The following ELL variants were observed in gnomAD, a reference collection of about 807,000 sequenced individuals.
The protein encoded by ELL is RNA polymerase II elongation factor ELL.
Under a neutral mutation model 64.0 loss-of-function variants are expected in ELL, and 18 were observed. The ratio of observed to expected loss-of-function variants is 0.28; its 90% confidence interval spans 0.19 to 0.42. ELL has a LOEUF of 0.42. ELL is among the 10% of genes least tolerant of loss of function. The pLI is 1.00. For missense variants in ELL, 797 were observed against 870.4 expected (o/e 0.92, Z 1.06); for synonymous variants, 399 against 376.2 (o/e 1.06, Z -0.70).
At chr19:18,503,833 G>A (rs1271517819) in intron 1 of ELL, among the ~76,000 whole-genome samples, 1 of 152,126 alleles carries the variant, frequency 6.6e-6, no homozygotes, top group Non-Finnish European at 1.5e-5. Flanking sequence ...GAGGGCCCAC[G>A]GGACTGTCAC....
At chr19:18,504,259 C>T (rs1366996274) in intron 1 of ELL, among the ~76,000 whole-genome samples, 3 of 152,318 alleles carry the variant, frequency 2.0e-5, no homozygotes, top group East Asian at 3.9e-4. Context: ...CAGCCATCTA[C>T]CTAAGGGTGT....
chr19:18,521,524 G>A (rs1402440198), intron 1 of ELL, among the ~76,000 whole-genome samples: 2 of 152,186 alleles, frequency 1.3e-5, no homozygotes, highest in East Asian at 1.9e-4. Context: ...AAAGCCCCCA[G>A]CTTCCCCCTA....
Position 18,469,862 on chromosome 19 carries a change from C to T in ELL, c.183+2973G>A, listed in dbSNP as rs538770323. On this transcript the variant is annotated intron_variant, in intron 2 of 11. Transcript: ENST00000262809. ...AAATTGGGGCCTGCTGCACTCCCCACCTGACCCCAGACAGGAGCTTGGGCG... is the reference window on the plus strand; with the variant it reads ...AAATTGGGGCCTGCTGCACTCCCCATCTGACCCCAGACAGGAGCTTGGGCG... Among the ~76,000 whole-genome samples, 381 of 152,360 alleles carry T rather than the reference C, an allele frequency of 2.5e-3. 1 individual carries two copies. The highest frequency in any genetic ancestry group is 0.014 in the Middle Eastern group (4 of 294).
chr19:18,450,806 C>A lies in ELL; in HGVS notation c.1136G>T (p.Ser379Ile). Residue 379 changes from serine to isoleucine, a missense_variant, in exon 8 of 12, where the codon AGC becomes ATC. Coordinates refer to ENST00000262809, the MANE Select transcript of ELL (RefSeq NM_006532.4). ...PGPPASTDTL[S>I]SSTHLPPRLE... is the part of the protein sequence containing the mutation. ...CCGCGGGGGCAGGTGAGTGCTGGAG[C>A]TGAGGGTGTCCGTGCTGGCTGGTGG... is the stretch of plus-strand genomic sequence containing the variant. The A allele has an allele frequency of 6.3e-7, 1 of 1,584,186 alleles. No homozygotes were observed. The highest frequency in any genetic ancestry group is 1.1e-5 in the South Asian group (1 of 87,702).
chr19:18,444,888 T>G lies in ELL; in HGVS notation c.1750-20A>C, dbSNP rs1229292814. The G allele has an allele frequency of 1.2e-6, 2 of 1,603,492 alleles. No homozygotes were observed. The highest frequency in any genetic ancestry group is 1.7e-6 in the Non-Finnish European group (2 of 1,175,370). ...GTTGGTCTGTGGGACAGCACAGTCA[T>G]GCTCAGGACAGAGCCGCCCTGGGTG... On this transcript the variant is annotated intron_variant, in intron 11 of 11. Transcript: ENST00000262809.
At chr19:18,499,980 G>A (rs1244342312) in intron 1 of ELL, among the ~76,000 whole-genome samples, 3 of 152,224 alleles carry the variant, frequency 2.0e-5, no homozygotes, top group Non-Finnish European at 4.4e-5. Context: ...CAAAACACGA[G>A]GCCAGGTGTG....
chr19:18,444,889 G>A (rs745646758), intron 11 of ELL, 21 bp from the exon 12 acceptor site: 2 of 1,602,884 alleles, frequency 1.2e-6, no homozygotes, highest in South Asian at 2.2e-5. Context: ...GCACAGTCAT[G>A]CTCAGGACAG....
intron 1 of ELL, among the ~76,000 whole-genome samples, chr19:18,488,081 G>A (rs1975455938): frequency 6.6e-6 from 1 of 152,198 alleles, no homozygotes; most frequent in South Asian, 2.1e-4. Flanking sequence ...ATCCTCACCT[G>A]GTGGGCCCAT....
In ELL at chr19:18,521,907, G is replaced by A. The variant is rs372432643; in HGVS notation, c.135+14C>T. 5 of 1,572,854 alleles carry A rather than the reference G, an allele frequency of 3.2e-6. No individual in the cohort carries two copies. The highest frequency in any genetic ancestry group is 2.8e-5 in the African/African-American group (2 of 72,614). On this transcript the variant is annotated intron_variant, in intron 1 of 11. Coordinates refer to ENST00000262809, the MANE Select transcript of ELL (RefSeq NM_006532.4). The stretch of plus-strand genomic sequence containing the variant: ...GACGTTCCCCACTGGCGCGCCGGGC[G>A]CCATGCCACTCACCTGTCTGGCGCG...
intron 6 of ELL, among the ~76,000 whole-genome samples, chr19:18,456,170 G>A (rs1324360878): frequency 6.6e-6 from 1 of 152,086 alleles, no homozygotes; most frequent in Admixed American, 6.5e-5. Flanking sequence ...GCAGTTTGAG[G>A]TGGTGTGCAG....
intron 5 of ELL, among the ~76,000 whole-genome samples, chr19:18,460,091 A>C (rs1007226911): frequency 3.3e-5 from 5 of 152,132 alleles, no homozygotes; most frequent in African/African-American, 1.2e-4. Context: ...AGCCAGTCCT[A>C]GAGGTGGACA....
chr19:18,497,380 T>C (rs1319663766), intron 1 of ELL, among the ~76,000 whole-genome samples: 2 of 151,956 alleles, frequency 1.3e-5, no homozygotes, highest in Admixed American at 6.6e-5. Context: ...AGGAAGGGGA[T>C]GAGTAGGTAG....
At chr19:18,458,181 C>G in intron 6 of ELL, 24 bp downstream of exon 6, 1 of 1,604,734 alleles carries the variant, frequency 6.2e-7, no homozygotes, top group Non-Finnish European at 8.5e-7. Flanking sequence ...TGGGGACATG[C>G]TGGGGGATGG....
chr19:18,461,551 A>C (rs745349516), intron 5 of ELL, 27 bp downstream of exon 5: 7 of 1,573,816 alleles, frequency 4.4e-6, no homozygotes, highest in Non-Finnish European at 6.0e-6. Context: ...ACCACTGGTA[A>C]AGACAAGACA....
chr19:18,454,840 C>CAAAAAAAAAAAAAAAAAA lies in ELL; in HGVS notation c.870-3210_870-3193dup, dbSNP rs563546343. Reference sequence around the variant, plus strand: ...TGGGCAACAGAGTGAGACTCAGTCTCAAAAAAAAAAAAAAAAAAGGCATCC... The same window carrying CAAAAAAAAAAAAAAAAAA: ...TGGGCAACAGAGTGAGACTCAGTCTCAAAAAAAAAAAAAAAAAAAAAAAAAAAAAAAAAAAAGGCATCC... On this transcript the variant is annotated intron_variant, in intron 6 of 11. Coordinates refer to ENST00000262809, the MANE Select transcript of ELL (RefSeq NM_006532.4). Among the ~76,000 whole-genome samples the CAAAAAAAAAAAAAAAAAA allele has an allele frequency of 1.5e-3, 84 of 56,498 alleles. 1 individual carries two copies. Among genetic ancestry groups the CAAAAAAAAAAAAAAAAAA allele is most frequent in the East Asian group, 3.3e-3 (7 of 2,096 alleles). The allele number at this position is 56,498 out of a possible 152,430, so 37.1% of individuals were successfully genotyped here.
At chr19:18,496,279 A>G (rs1260780969) in intron 1 of ELL, among the ~76,000 whole-genome samples, 1 of 152,250 alleles carries the variant, frequency 6.6e-6, no homozygotes, top group Admixed American at 6.5e-5. Flanking sequence ...GTGAGCCCCA[A>G]GAGGTGGCCG....
At position 18,450,463 on chromosome 19, in the gene ELL, GCCTGGGCACCTA is replaced by G. The variant is rs762502968; in HGVS notation, c.1465+2_1465+13del. The G allele has an allele frequency of 6.2e-7, 1 of 1,609,942 alleles. No individual in the cohort carries two copies. Among genetic ancestry groups the G allele is most frequent in the East Asian group, 2.2e-5 (1 of 44,810 alleles). On this transcript the variant is annotated splice_donor_variant and splice_donor_5th_base_variant and intron_variant, in intron 8 of 11. Coordinates refer to ENST00000262809, the MANE Select transcript of ELL (RefSeq NM_006532.4). LOFTEE classifies it high-confidence loss of function. Reference sequence around the variant, plus strand: ...CTTAGAGCCCCGGCAACGCCCTCCTGCCTGGGCACCTACCTGGGGTGTCTGCTGGGGCTCCGG... The same window carrying G: ...CTTAGAGCCCCGGCAACGCCCTCCTGCCTGGGGTGTCTGCTGGGGCTCCGG...
Position 18,496,578 on chromosome 19 carries a change from G to C in ELL, c.136-23696C>G, listed in dbSNP as rs916291763. 4.6e-5 allele frequency among the ~76,000 whole-genome samples: 7 copies of C among 152,040 alleles called. No individual in the cohort carries two copies. In the East Asian group the frequency reaches 7.7e-4, roughly 17 times the overall value. ...AACATATAGTTTGGCAGGAGCTACAGAGATCATGGGTTGGAGGCGTGGAGT... is the reference window on the plus strand; with the variant it reads ...AACATATAGTTTGGCAGGAGCTACACAGATCATGGGTTGGAGGCGTGGAGT... On this transcript the variant is annotated intron_variant, in intron 1 of 11. Coordinates refer to ENST00000262809, the MANE Select transcript of ELL (RefSeq NM_006532.4).
At chr19:18,491,033 G>A (rs547368889) in intron 1 of ELL, among the ~76,000 whole-genome samples, 25 of 152,302 alleles carry the variant, frequency 1.6e-4, no homozygotes, top group Admixed American at 9.2e-4. Flanking sequence ...CAGTCTAGAT[G>A]TTGCCATGAA....
Sources: allele counts gnomAD v4.1 joint callset (sites outside exome capture counted in the v4.1 genomes callset), GRCh38; gene constraint gnomAD v4.1.1; transcripts MANE v1.5; gene names NCBI Gene and HGNC (gene_info 2026-07-23, HGNC 2026-07-21).